Variants in GRM7 observed in about 807,000 individuals in gnomAD.
GRM7 encodes the protein metabotropic glutamate receptor 7.
GRM7 carries 35 observed loss-of-function variants against 84.5 expected under a neutral mutation model. The observed-to-expected ratio is 0.41, with a 90% CI of 0.32 to 0.55. GRM7 has a LOEUF of 0.55. Ranked by LOEUF, GRM7 falls within the 20% of genes least tolerant of loss-of-function variation. The pLI, the probability that GRM7 is intolerant of heterozygous loss-of-function variation, is 0.19. For missense variants in GRM7, 1,003 were observed against 1,194.6 expected, an observed-to-expected ratio of 0.84 and a Z score of 2.36; for synonymous variants, 487 against 455.1, an observed-to-expected ratio of 1.07 and a Z score of -0.89.
chr3:7,251,358 G>A (rs548087203), intron 2 of GRM7, among the ~76,000 whole-genome samples: 115 of 151,876 alleles, frequency 7.6e-4, no homozygotes, highest in African/African-American at 2.6e-3. Context: ...TCTCCGAAGT[G>A]ACTAACCTTA....
At chr3:7,009,945 A>C (rs1695312172) in intron 1 of GRM7, among the ~76,000 whole-genome samples, 1 of 152,234 alleles carries the variant, frequency 6.6e-6, no homozygotes, top group African/African-American at 2.4e-5. Context: ...GAGTACATTT[A>C]GCAACTTTGA....
intron 9 of GRM7, chr3:7,686,225 C>A (rs1700577863): frequency 1.9e-6 from 1 of 520,658 alleles, no homozygotes; most frequent in Non-Finnish European, 3.5e-6. Flanking sequence ...GATATTGAAC[C>A]CACCAAAAGA....
Position 7,662,276 on chromosome 3 carries a change from G to A in GRM7, c.2452-17773G>A, listed in dbSNP as rs560760024. ...GAGGGAGAAATACAAAGAGGAATAA[G>A]GAACTTTTGGAGGTGATGCTGATAA... On this transcript the variant is annotated intron_variant, in intron 8 of 9. Transcript: ENST00000357716. Among the ~76,000 whole-genome samples the A allele has an allele frequency of 7.4e-4, 113 of 152,286 alleles. 2 individuals carry two copies. In the South Asian group the frequency reaches 0.018, roughly 25 times the overall value.
intron 4 of GRM7, among the ~76,000 whole-genome samples, chr3:7,397,232 T>C (rs115033355): frequency 0.017 from 2,609 of 152,278 alleles, 66 homozygotes; most frequent in African/African-American, 0.055. Flanking sequence ...TGGTGACTCG[T>C]CATCCAGACA....
At chr3:7,226,596 T>C (rs1284588675) in intron 2 of GRM7, among the ~76,000 whole-genome samples, 1 of 152,180 alleles carries the variant, frequency 6.6e-6, no homozygotes, top group Admixed American at 6.6e-5. Context: ...AGTCACATGA[T>C]CTACCTGCAC....
intron 1 of GRM7, among the ~76,000 whole-genome samples, chr3:6,912,266 A>G (rs1158302300): frequency 6.6e-6 from 1 of 152,188 alleles, no homozygotes; most frequent in African/African-American, 2.4e-5. Context: ...CAGGACTTCT[A>G]AGATGTAGAA....
At chr3:7,464,517 C>T (rs1426028830) in intron 7 of GRM7, among the ~76,000 whole-genome samples, 1 of 152,008 alleles carries the variant, frequency 6.6e-6, no homozygotes, top group Non-Finnish European at 1.5e-5. Context: ...AACCCAAGGC[C>T]TTGAAAACCT....
intron 4 of GRM7, among the ~76,000 whole-genome samples, chr3:7,317,627 A>C (rs549344868): frequency 6.6e-6 from 1 of 152,242 alleles, no homozygotes; most frequent in South Asian, 2.1e-4. Context: ...GGTTGTGACA[A>C]AAAATAGCTA....
intron 8 of GRM7, among the ~76,000 whole-genome samples, chr3:7,582,728 G>A (rs1247839152): frequency 6.6e-6 from 1 of 152,068 alleles, no homozygotes; most frequent in Non-Finnish European, 1.5e-5. Flanking sequence ...TGACCAAATT[G>A]GGGCAACTAT....
intron 1 of GRM7, among the ~76,000 whole-genome samples, chr3:6,933,856 T>C (rs1697594014): frequency 6.6e-6 from 1 of 152,194 alleles, no homozygotes; most frequent in Non-Finnish European, 1.5e-5. Context: ...ATAGTAACTT[T>C]CTTTCTTTTT....
intron 6 of GRM7, among the ~76,000 whole-genome samples, chr3:7,456,502 C>T (rs1045003209): frequency 6.7e-6 from 1 of 149,888 alleles, no homozygotes; most frequent in East Asian, 2.0e-4. Flanking sequence ...TTAAGAATTA[C>T]GATATTCAAA....
intron 6 of GRM7, among the ~76,000 whole-genome samples, chr3:7,453,333 G>T (rs1474061758): frequency 1.3e-5 from 2 of 152,004 alleles, no homozygotes; most frequent in African/African-American, 2.4e-5. Context: ...AACCCCACAA[G>T]TTGGAGGCTT....
intron 7 of GRM7, among the ~76,000 whole-genome samples, chr3:7,477,207 G>C (rs1170208064): frequency 6.6e-6 from 1 of 152,052 alleles, no homozygotes; most frequent in Non-Finnish European, 1.5e-5. Flanking sequence ...AAGCATTTCT[G>C]GTGGAATTTT....
chr3:6,874,672 C>T (rs969512058), intron 1 of GRM7, among the ~76,000 whole-genome samples: 5 of 152,174 alleles, frequency 3.3e-5, no homozygotes, highest in Non-Finnish European at 7.3e-5. Flanking sequence ...ACTTCATGAA[C>T]CCTTGAATGT....
intron 5 of GRM7, among the ~76,000 whole-genome samples, chr3:7,420,894 A>G (rs765369138): frequency 8.5e-5 from 13 of 152,178 alleles, no homozygotes; most frequent in Non-Finnish European, 1.5e-4. Context: ...AATACCAATT[A>G]ATATAGGATT....
intron 4 of GRM7, among the ~76,000 whole-genome samples, chr3:7,346,371 T>A (rs756510091): frequency 1.2e-4 from 18 of 152,296 alleles, no homozygotes; most frequent in South Asian, 2.1e-4. Flanking sequence ...AAGGTCTTCA[T>A]GTTTTCAGCC....
At chr3:7,569,539 C>T (rs1694534010) in intron 7 of GRM7, among the ~76,000 whole-genome samples, 1 of 152,140 alleles carries the variant, frequency 6.6e-6, no homozygotes, top group Non-Finnish European at 1.5e-5. Context: ...TAAAAGCAGG[C>T]TGCCCCAGCC....
chr3:7,026,057 C>T (rs17046621), intron 1 of GRM7, among the ~76,000 whole-genome samples: 2,345 of 152,272 alleles, frequency 0.015, 61 homozygotes, highest in African/African-American at 0.052. Context: ...AGCCAATCAC[C>T]TAATTTATAT....
At chr3:7,708,405 G>GTGC (rs1701468622) in intron 9 of GRM7, among the ~76,000 whole-genome samples, 1 of 152,002 alleles carries the variant, frequency 6.6e-6, no homozygotes, top group Non-Finnish European at 1.5e-5. Flanking sequence ...AAAGCACAGA[G>GTGC]TGCTGTAGGC....
Sources: gnomAD v4.1 joint callset for allele counts (sites outside exome capture counted in the v4.1 genomes callset) on GRCh38, gnomAD v4.1.1 for gene constraint, MANE v1.5 for transcripts, NCBI Gene and HGNC (gene_info 2026-07-23, HGNC 2026-07-21) for gene names.